The following CCDC178 variants were observed in gnomAD, a reference collection of about 807,000 sequenced individuals.
The protein encoded by CCDC178 is coiled-coil domain-containing protein 178.
Under a neutral mutation model 117.4 loss-of-function variants are expected in CCDC178, and 126 were observed. The observed-to-expected ratio is 1.07, with a 90% confidence interval of 0.93 to 1.24. The LOEUF is 1.24. CCDC178 is among the 50% of genes most tolerant of loss of function. The pLI is 0.00. For missense variants in CCDC178, 1,030 were observed against 986.9 expected (o/e 1.04, Z -0.59); for synonymous variants, 283 against 313.4 (o/e 0.90, Z 1.02).
intron 2 of CCDC178, among the ~76,000 whole-genome samples, chr18:33,424,559 G>A (rs1471274519): frequency 5.3e-5 from 8 of 152,128 alleles, no homozygotes; most frequent in Admixed American, 5.2e-4. Flanking sequence ...CCCTTCTGAC[G>A]CTGTGCATAG....
intron 21 of CCDC178, among the ~76,000 whole-genome samples, chr18:33,044,807 C>T (rs2056613204): frequency 6.6e-6 from 1 of 152,082 alleles, no homozygotes; most frequent in Non-Finnish European, 1.5e-5. Context: ...TGGTATACTA[C>T]AGTGGAATAC....
chr18:33,103,765 T>G (rs946313880), intron 20 of CCDC178, among the ~76,000 whole-genome samples: 2 of 151,742 alleles, frequency 1.3e-5, no homozygotes, highest in African/African-American at 4.8e-5. Flanking sequence ...TAGAGAGGTC[T>G]GCTCAGTTTT....
At chr18:33,256,126 A>G (rs755712185) in intron 14 of CCDC178, among the ~76,000 whole-genome samples, 7 of 152,174 alleles carry the variant, frequency 4.6e-5, no homozygotes, top group Non-Finnish European at 7.4e-5. Flanking sequence ...ATAGTGAAAG[A>G]AATATTTCTA....
intron 12 of CCDC178, among the ~76,000 whole-genome samples, chr18:33,281,900 CTT>C (rs2060030784): frequency 6.6e-6 from 1 of 152,150 alleles, no homozygotes; most frequent in Non-Finnish European, 1.5e-5. Context: ...TTAAAGCACA[CTT>C]AATATCCAAT....
At chr18:33,396,403 T>C (rs1334005339) in intron 4 of CCDC178, among the ~76,000 whole-genome samples, 2 of 152,146 alleles carry the variant, frequency 1.3e-5, no homozygotes, top group South Asian at 2.1e-4. Context: ...TATCAAATAA[T>C]GTCAACGATA....
intron 21 of CCDC178, among the ~76,000 whole-genome samples, chr18:33,022,953 C>A (rs1044334630): frequency 6.6e-6 from 1 of 151,966 alleles, no homozygotes; most frequent in Non-Finnish European, 1.5e-5. Context: ...ATCAAACAAT[C>A]TTGACTTTAT....
At chr18:33,432,204 G>A (rs6507027) in intron 2 of CCDC178, among the ~76,000 whole-genome samples, 122,806 of 152,064 alleles carry the variant, frequency 0.81, 49,813 homozygotes, top group East Asian at 1. Context: ...GATGCAAGTA[G>A]TAAGATTGTC....
chr18:32,973,750 C>T (rs577738627), intron 22 of CCDC178, among the ~76,000 whole-genome samples: 1 of 152,164 alleles, frequency 6.6e-6, no homozygotes, highest in African/African-American at 2.4e-5. Context: ...TAGGGTTCAG[C>T]ATTCATTTCA....
At chr18:33,343,623 G>C (rs535217545) in intron 9 of CCDC178, among the ~76,000 whole-genome samples, 55 of 152,196 alleles carry the variant, frequency 3.6e-4, no homozygotes, top group Non-Finnish European at 5.6e-4. Flanking sequence ...CAAAATCTTT[G>C]ATGCAGTCCA....
At chr18:33,307,237 A>C (rs1017167799) in intron 11 of CCDC178, among the ~76,000 whole-genome samples, 4 of 152,194 alleles carry the variant, frequency 2.6e-5, no homozygotes, top group Non-Finnish European at 5.9e-5. Flanking sequence ...GAAAGTTTGG[A>C]ACTTCCTACA....
chr18:32,981,095 C>A (rs2055145552), intron 21 of CCDC178, among the ~76,000 whole-genome samples: 1 of 152,118 alleles, frequency 6.6e-6, no homozygotes, highest in African/African-American at 2.4e-5. Context: ...GTAATCCCAG[C>A]ACTTTGGGAG....
chr18:33,370,219 C>T, intron 5 of CCDC178, 30 bp from the exon 6 acceptor site: 1 of 1,515,280 alleles, frequency 6.6e-7, no homozygotes, highest in Non-Finnish European at 8.9e-7. Context: ...GTTCATTACT[C>T]ATTCTATACA....
chr18:33,378,021 T>C (rs946584276), intron 5 of CCDC178, among the ~76,000 whole-genome samples: 4 of 152,270 alleles, frequency 2.6e-5, no homozygotes, highest in African/African-American at 9.6e-5. Context: ...GTTGAATATG[T>C]AGATTGCTTT....
chr18:33,407,406 A>G (rs1338483684), intron 3 of CCDC178, among the ~76,000 whole-genome samples: 1 of 152,192 alleles, frequency 6.6e-6, no homozygotes, highest in Non-Finnish European at 1.5e-5. Flanking sequence ...CAAAGAAAGT[A>G]GAAGGAAGAG....
chr18:33,352,689 ATT>A (rs1380334449), intron 7 of CCDC178, among the ~76,000 whole-genome samples: 1 of 152,030 alleles, frequency 6.6e-6, no homozygotes, highest in Non-Finnish European at 1.5e-5. Context: ...GTAAAACATG[ATT>A]TGTTTAATTT....
chr18:33,246,491 A>C (rs762729624), intron 14 of CCDC178, among the ~76,000 whole-genome samples: 18 of 151,774 alleles, frequency 1.2e-4, no homozygotes, highest in Non-Finnish European at 2.9e-5. Context: ...TCAGCTGATG[A>C]TGAGCTGCAT....
At chr18:32,995,148 T>C (rs2055476066) in intron 21 of CCDC178, among the ~76,000 whole-genome samples, 1 of 152,158 alleles carries the variant, frequency 6.6e-6, no homozygotes, top group Non-Finnish European at 1.5e-5. Flanking sequence ...CATATAGTAC[T>C]GCAACTCAAA....
intron 20 of CCDC178, among the ~76,000 whole-genome samples, chr18:33,104,197 G>A (rs2057669867): frequency 6.6e-6 from 1 of 151,650 alleles, no homozygotes; most frequent in South Asian, 2.1e-4. Flanking sequence ...GATCTTCCAG[G>A]TTTTTCCAGG....
intron 2 of CCDC178, among the ~76,000 whole-genome samples, chr18:33,438,020 C>G (rs75822119): frequency 0.012 from 1,814 of 152,200 alleles, 29 homozygotes; most frequent in African/African-American, 0.042. Context: ...TTTTTATGAA[C>G]ATTGACTGAA....
Sources: gnomAD v4.1 joint callset for allele counts (sites outside exome capture counted in the v4.1 genomes callset) on GRCh38, gnomAD v4.1.1 for gene constraint, MANE v1.5 for transcripts, NCBI Gene and HGNC (gene_info 2026-07-23, HGNC 2026-07-21) for gene names.